FGGY: variants seen among roughly 807,000 people sequenced by gnomAD.
FGGY encodes FGGY carbohydrate kinase domain-containing protein.
In FGGY, 72 loss-of-function variants were observed where a neutral mutation model predicts 71.3. The ratio of observed to expected loss-of-function variants is 1.01; its 90% CI spans 0.84 to 1.23. The LOEUF is 1.23. Among genes scored for constraint, FGGY ranks in the 50% most tolerant of loss-of-function variants. The pLI is 0.00. For synonymous variants in FGGY, 251 were observed against 250.3 expected (o/e 1.00, Z -0.02); for missense variants, 668 against 682.3 (o/e 0.98, Z 0.23).
In FGGY at chr1:59,468,255, A is replaced by G. The variant is rs556373604; in HGVS notation, c.670+11179A>G. Among the ~76,000 whole-genome samples, 32 of 152,342 alleles carry G rather than the reference A, an allele frequency of 2.1e-4. 1 individual carries two copies. Among genetic ancestry groups the G allele is most frequent in the South Asian group, 1.7e-3 (8 of 4,832 alleles). On this transcript the variant is annotated intron_variant, in intron 6 of 15. Transcript: ENST00000303721. ...GACTTTCGTAAATTTTTTGAATTAA[A>G]TAATACTACTAGCTAACAGGCAATG... is the stretch of plus-strand genomic sequence containing the variant.
At chr1:59,506,340 T>TAA (rs11383783) in intron 6 of FGGY, among the ~76,000 whole-genome samples, 8,940 of 149,940 alleles carry the variant, frequency 0.06, 323 homozygotes, top group East Asian at 0.13. Context: ...TCCTTTTCTT[T>TAA]AAAAAAAAAA....
chr1:59,757,089 C>G (rs1232889627), intron 14 of FGGY, among the ~76,000 whole-genome samples: 2 of 152,100 alleles, frequency 1.3e-5, no homozygotes, highest in Non-Finnish European at 2.9e-5. Context: ...AATAGGAATT[C>G]AATAGCCGTT....
chr1:59,531,121 A>G (rs1334506792), intron 7 of FGGY, among the ~76,000 whole-genome samples: 1 of 152,236 alleles, frequency 6.6e-6, no homozygotes, highest in Non-Finnish European at 1.5e-5. Flanking sequence ...GCATGGCACT[A>G]TTTAACAGAA....
intron 6 of FGGY, among the ~76,000 whole-genome samples, chr1:59,459,468 C>A (rs2091991399): frequency 6.6e-6 from 1 of 152,126 alleles, no homozygotes; most frequent in South Asian, 2.1e-4. Flanking sequence ...ATAGAAATTT[C>A]TTTACAGTTG....
chr1:59,602,344 T>C (rs888502919), intron 8 of FGGY, among the ~76,000 whole-genome samples: 4 of 152,196 alleles, frequency 2.6e-5, no homozygotes, highest in Admixed American at 6.5e-5. Context: ...TGATAATATA[T>C]GTGAAGAACC....
At chr1:59,758,535 G>T (rs1445788643) in intron 15 of FGGY, among the ~76,000 whole-genome samples, 1 of 152,210 alleles carries the variant, frequency 6.6e-6, no homozygotes, top group Non-Finnish European at 1.5e-5. Flanking sequence ...CACAATTGAA[G>T]TATTGCCAGG....
rs539121077 is a variant in FGGY, at chr1:59,382,572, C to A, written c.554+3735C>A. Among the ~76,000 whole-genome samples the A allele has an allele frequency of 3.3e-5, 5 of 152,158 alleles. No individual in the cohort carries two copies. In the South Asian group the frequency reaches 8.3e-4, roughly 25 times the overall value. ...GAGGGCAGTGTGTAGGTGAGGATAT[C>A]ATCTTGGGCATTCCTCTTTTGGTGT... On this transcript the variant is annotated intron_variant, in intron 5 of 15. Transcript: ENST00000303721.
chr1:59,654,999 G>A (rs1159170907), intron 11 of FGGY, among the ~76,000 whole-genome samples: 1 of 152,128 alleles, frequency 6.6e-6, no homozygotes, highest in Non-Finnish European at 1.5e-5. Flanking sequence ...GGCACTCAGG[G>A]GCTTCTCCAT....
At chr1:59,734,264 T>C (rs6702626) in intron 14 of FGGY, among the ~76,000 whole-genome samples, 140,848 of 152,262 alleles carry the variant, frequency 0.93, 66,155 homozygotes, top group East Asian at 1. Flanking sequence ...AGTGCAGTGG[T>C]ACCATAACAG....
chr1:59,397,442 G>A (rs1029747871), intron 5 of FGGY, among the ~76,000 whole-genome samples: 2 of 152,206 alleles, frequency 1.3e-5, no homozygotes, highest in African/African-American at 4.8e-5. Flanking sequence ...GTATTTGGTG[G>A]TATCACAACA....
chr1:59,305,064 T>C (rs1010226723), intron 1 of FGGY, among the ~76,000 whole-genome samples: 1 of 152,168 alleles, frequency 6.6e-6, no homozygotes, highest in Non-Finnish European at 1.5e-5. Flanking sequence ...TTTTCTTTTG[T>C]AATTGCTCTA....
At chr1:59,322,450 G>A (rs1395669414) in intron 2 of FGGY, among the ~76,000 whole-genome samples, 2 of 152,034 alleles carry the variant, frequency 1.3e-5, no homozygotes, top group East Asian at 1.9e-4. Flanking sequence ...ACCCCCCAGC[G>A]CTTTCCTCCG....
chr1:59,540,825 A>G (rs770916933), intron 7 of FGGY, among the ~76,000 whole-genome samples: 1 of 152,194 alleles, frequency 6.6e-6, no homozygotes, highest in African/African-American at 2.4e-5. Context: ...GGAGTTTGTT[A>G]GAAGTGAAGT....
intron 14 of FGGY, among the ~76,000 whole-genome samples, chr1:59,724,414 G>A (rs1356023675): frequency 2.0e-5 from 3 of 151,888 alleles, no homozygotes; most frequent in African/African-American, 7.3e-5. Flanking sequence ...AACATGGGAG[G>A]TGGAGCTTGC....
At position 59,371,226 on chromosome 1, in the gene FGGY, T is replaced by C. The variant is rs548737596; in HGVS notation, c.466-7523T>C. 6.6e-5 allele frequency among the ~76,000 whole-genome samples: 10 copies of C among 151,450 alleles called. No homozygotes were observed. In the South Asian group the frequency reaches 2.1e-3, roughly 32 times the overall value. On this transcript the variant is annotated intron_variant, in intron 4 of 15. Transcript: ENST00000303721. Reference sequence around the variant, plus strand: ...GATGGAGGAAGATCTACCAAGCAAATGGAAAACAAAAAAAGGCAGGGGTTG... The same window carrying C: ...GATGGAGGAAGATCTACCAAGCAAACGGAAAACAAAAAAAGGCAGGGGTTG...
At chr1:59,320,953 T>C (rs2046280706) in intron 1 of FGGY, among the ~76,000 whole-genome samples, 1 of 152,172 alleles carries the variant, frequency 6.6e-6, no homozygotes, top group Non-Finnish European at 1.5e-5. Flanking sequence ...CTAGCTAGCA[T>C]TAAGCAAAAA....
chr1:59,338,605 A>G (rs1296987297), intron 2 of FGGY, among the ~76,000 whole-genome samples: 1 of 152,094 alleles, frequency 6.6e-6, no homozygotes, highest in East Asian at 1.9e-4. Context: ...CCAGTTTATT[A>G]GTTTTATTTT....
At chr1:59,386,409 A>G (rs1004206181) in intron 5 of FGGY, among the ~76,000 whole-genome samples, 3 of 152,148 alleles carry the variant, frequency 2.0e-5, no homozygotes, top group Non-Finnish European at 4.4e-5. Flanking sequence ...GAGGAAGACC[A>G]TAGAGATAAA....
In FGGY at chr1:59,493,185, T is replaced by G. The variant is rs115297292; in HGVS notation, c.671-19126T>G. On this transcript the variant is annotated intron_variant, in intron 6 of 15. Coordinates refer to ENST00000303721, the MANE Select transcript of FGGY (RefSeq NM_018291.5). ...TGGAGAAATTGGAAACCTTGTGCAG[T>G]GTTGGTGGGAATGTAAAATGGTGTG... Among the ~76,000 whole-genome samples, 754 of 151,002 alleles carry G rather than the reference T, an allele frequency of 5.0e-3. 6 individuals carry two copies. Among genetic ancestry groups the G allele is most frequent in the African/African-American group, 0.017 (708 of 41,042 alleles).
Sources: gnomAD v4.1 joint callset for allele counts (sites outside exome capture counted in the v4.1 genomes callset) on GRCh38, gnomAD v4.1.1 for gene constraint, MANE v1.5 for transcripts, NCBI Gene and HGNC (gene_info 2026-07-23, HGNC 2026-07-21) for gene names.